H1-4: variants seen among roughly 807,000 people sequenced by gnomAD.
H1-4 encodes histone H1.4.
A neutral mutation model predicts 7.2 loss-of-function variants in H1-4; 9 were observed. That is an observed-to-expected ratio of 1.25 (90% CI 0.75 to 2.18). The LOEUF is 2.18. Ranked by LOEUF, H1-4 falls within the 30% of genes most tolerant of loss-of-function variation. The probability of loss-of-function intolerance (pLI) is 0.00; values close to 1 mark genes in which losing one functional copy is unlikely to be tolerated. For missense variants in H1-4, 646 were observed against 287.9 expected, an observed-to-expected ratio of 2.24 and a Z score of -9.00; for synonymous variants, 318 against 126.6, an observed-to-expected ratio of 2.51 and a Z score of -10.15.
In H1-4 at chr6:26,156,516, G is replaced by C. The variant is rs568154277; in HGVS notation, c.126G>C (p.Glu42Asp). 2 of 1,613,954 alleles carry C rather than the reference G, an allele frequency of 1.2e-6. No homozygotes were observed. The highest frequency in any genetic ancestry group is 1.7e-6 in the Non-Finnish European group (2 of 1,179,992). ...KRKASGPPVS[E>D]LITKAVAASK... ...AAGCGTCTGGGCCCCCGGTGTCCGAGCTCATTACTAAAGCTGTTGCCGCCT... is the reference window on the plus strand; with the variant it reads ...AAGCGTCTGGGCCCCCGGTGTCCGACCTCATTACTAAAGCTGTTGCCGCCT... Residue 42 changes from glutamate (E) to aspartate (D), a missense_variant, in exon 1 of 1, where the codon GAG (glutamate) becomes GAC (aspartate). Coordinates refer to ENST00000304218, the MANE Select transcript of H1-4 (RefSeq NM_005321.3).
Position 26,156,568 on chromosome 6 carries a change from G to A in H1-4, c.178G>A (p.Ala60Thr). Residue 60 changes from alanine to threonine, a missense_variant, in exon 1 of 1, where the codon GCC (alanine) becomes ACC (threonine). By Grantham distance (58) the Ala-to-Thr change is moderately conservative. Coordinates refer to ENST00000304218, the MANE Select transcript of H1-4 (RefSeq NM_005321.3). ...CAAGGAGCGCAGCGGCGTATCTTTG[G>A]CCGCTCTCAAGAAAGCGCTGGCAGC... ...ASKERSGVSL[A>T]ALKKALAAAG... is the part of the protein sequence containing the mutation. The A allele has an allele frequency of 2.5e-6, 4 of 1,614,178 alleles. No individual in the cohort carries two copies. The highest frequency in any genetic ancestry group is 2.5e-6 in the Non-Finnish European group (3 of 1,180,032).
rs766257287 is a variant in H1-4 at position 26,156,695 on chromosome 6, C to T, written c.305C>T (p.Ser102Leu). Residue 102 changes from serine (S) to leucine (L), a missense_variant, in exon 1 of 1, where the codon TCG becomes TTG. By Grantham distance (145) the Ser-to-Leu change is moderately radical. Coordinates refer to ENST00000304218, the MANE Select transcript of H1-4 (RefSeq NM_005321.3). The stretch of plus-strand genomic sequence containing the variant: ...GTGCAGACCAAGGGCACCGGCGCGT[C>T]GGGTTCCTTCAAACTCAACAAGAAG... ...TLVQTKGTGA[S>L]GSFKLNKKAA... The T allele has an allele frequency of 6.2e-6, 10 of 1,614,118 alleles. No individual in the cohort carries two copies. Among genetic ancestry groups the T allele is most frequent in the African/African-American group, 1.3e-5 (1 of 74,958 alleles).
Position 26,156,864 on chromosome 6 carries a change from G to T in H1-4, c.474G>T (p.Ala158=), listed in dbSNP as rs781387925. The T allele has an allele frequency of 6.2e-7, 1 of 1,607,572 alleles. No homozygotes were observed. Among genetic ancestry groups the T allele is most frequent in the African/African-American group, 1.3e-5 (1 of 74,522 alleles). Residue 158 remains alanine (A), a synonymous_variant, in exon 1 of 1, where the codon GCG becomes GCT. Transcript: ENST00000304218. The stretch of plus-strand genomic sequence containing the variant: ...GCGCCAAGAAGACCCCAAAGAAGGC[G>T]AAGAAGCCGGCTGCAGCTGCTGGAG... ...KKSAKKTPKK[A]KKPAAAAGAK... is the part of the protein sequence containing the mutation.
At position 26,156,359 on chromosome 6, in the gene H1-4, T is replaced by A. The variant is rs1450840515; in HGVS notation, c.-32T>A. 6.6e-7 allele frequency: 1 copy of A among 1,518,046 alleles called. No homozygotes were observed. Among genetic ancestry groups the A allele is most frequent in the Non-Finnish European group, 8.8e-7 (1 of 1,138,246 alleles). 94.0% of individuals were successfully genotyped at this position (1,518,046 alleles called of 1,614,324 possible). Reference sequence around the variant, plus strand: ...CCCGGCCAGTGCCTCTGCTTCCGGCTCGAATTGCTCTCGCTCACGCTTGCC... The same window carrying A: ...CCCGGCCAGTGCCTCTGCTTCCGGCACGAATTGCTCTCGCTCACGCTTGCC... On this transcript the variant is annotated 5_prime_UTR_variant, in exon 1 of 1. Coordinates refer to ENST00000304218, the MANE Select transcript of H1-4 (RefSeq NM_005321.3).
At position 26,157,078 on chromosome 6, in the gene H1-4, G is replaced by T. The variant is rs543212809; in HGVS notation, c.*28G>T. 6.4e-7 allele frequency: 1 copy of T among 1,569,284 alleles called. No homozygotes were observed. Among genetic ancestry groups the T allele is most frequent in the African/African-American group, 1.4e-5 (1 of 72,354 alleles). ...AGTTCCTTTGGCCAACTGCTTAGAA[G>T]CCCAACACAACCCAAAGGCTCTTTT... is the stretch of plus-strand genomic sequence containing the variant. On this transcript the variant is annotated 3_prime_UTR_variant, in exon 1 of 1. Transcript: ENST00000304218.
At position 26,156,371 on chromosome 6, in the gene H1-4, C is replaced by T. The variant is rs2298089; in HGVS notation, c.-20C>T. ...CTCTGCTTCCGGCTCGAATTGCTCTCGCTCACGCTTGCCTTCAACATGTCC... is the reference window on the plus strand; with the variant it reads ...CTCTGCTTCCGGCTCGAATTGCTCTTGCTCACGCTTGCCTTCAACATGTCC... On this transcript the variant is annotated 5_prime_UTR_variant, in exon 1 of 1. Coordinates refer to ENST00000304218, the MANE Select transcript of H1-4 (RefSeq NM_005321.3). 22 of 1,533,206 alleles carry T rather than the reference C, an allele frequency of 1.4e-5. No individual in the cohort carries two copies. The highest frequency in any genetic ancestry group is 2.5e-5 in the South Asian group (2 of 80,452). 95.0% of individuals were successfully genotyped at this position (1,533,206 alleles called of 1,614,324 possible).
Position 26,156,662 on chromosome 6 carries a change from G to T in H1-4, c.272G>T (p.Gly91Val), listed in dbSNP as rs570710069. 6.2e-7 allele frequency: 1 copy of T among 1,614,214 alleles called. No homozygotes were observed. Among genetic ancestry groups the T allele is most frequent in the African/African-American group, 1.3e-5 (1 of 75,060 alleles). Residue 91 changes from glycine (G) to valine (V), a missense_variant, in exon 1 of 1, where the codon GGC becomes GTC. Physicochemically the swap from Gly to Val is moderately radical, Grantham distance 109. Coordinates refer to ENST00000304218, the MANE Select transcript of H1-4 (RefSeq NM_005321.3). ...GGTCTCAAGAGCCTGGTGAGCAAGG[G>T]CACCCTGGTGCAGACCAAGGGCACC... Reference protein sequence around the residue: ...KLGLKSLVSKGTLVQTKGTGA... With the variant: ...KLGLKSLVSKVTLVQTKGTGA...
Position 26,156,333 on chromosome 6 carries a change from T to A in H1-4, c.-58T>A, listed in dbSNP as rs1764162184. ...GGCGGGCGCAGCGCCGCGGCTCGAG[T>A]CCCGGCCAGTGCCTCTGCTTCCGGC... On this transcript the variant is annotated 5_prime_UTR_variant, in exon 1 of 1. Transcript: ENST00000304218. The A allele has an allele frequency of 6.8e-7, 1 of 1,460,928 alleles. No homozygotes were observed. Among genetic ancestry groups the A allele is most frequent in the Admixed American group, 2.2e-5 (1 of 44,796 alleles). 90.5% of individuals were successfully genotyped at this position (1,460,928 alleles called of 1,614,324 possible).
At position 26,156,649 on chromosome 6, in the gene H1-4, C is replaced by G; in HGVS notation, c.259C>G (p.Leu87Val). ...NSRIKLGLKSLVSKGTLVQTK... is the reference protein window; with the variant it reads ...NSRIKLGLKSVVSKGTLVQTK... ...CCGCATCAAGCTGGGTCTCAAGAGC[C>G]TGGTGAGCAAGGGCACCCTGGTGCA... Residue 87 changes from leucine (L) to valine (V), a missense_variant, in exon 1 of 1, where the codon CTG becomes GTG. Coordinates refer to ENST00000304218, the MANE Select transcript of H1-4 (RefSeq NM_005321.3). The G allele has an allele frequency of 1.2e-6, 2 of 1,614,248 alleles. No individual in the cohort carries two copies. Among genetic ancestry groups the G allele is most frequent in the Non-Finnish European group, 1.7e-6 (2 of 1,180,048 alleles).
rs773126124 is a variant in H1-4 at position 26,156,759 on chromosome 6, A to G, written c.369A>G (p.Ala123=). ...SGEAKPKAKK[A]GAAKAKKPAG... is the part of the protein sequence containing the mutation. ...AAGCCAAGCCTAAGGCTAAAAAGGC[A>G]GGCGCGGCCAAGGCCAAGAAGCCAG... Residue 123 remains alanine, a synonymous_variant, in exon 1 of 1, where the codon GCA becomes GCG. Transcript: ENST00000304218. The G allele has an allele frequency of 2.7e-5, 44 of 1,613,694 alleles. No individual in the cohort carries two copies. The highest frequency in any genetic ancestry group is 3.5e-5 in the Non-Finnish European group (41 of 1,179,884).
Position 26,157,064 on chromosome 6 carries a change from C to G in H1-4, c.*14C>G. On this transcript the variant is annotated 3_prime_UTR_variant, in exon 1 of 1. Coordinates refer to ENST00000304218, the MANE Select transcript of H1-4 (RefSeq NM_005321.3). ...AAGAAAAAGTAGAAAGTTCCTTTGG[C>G]CAACTGCTTAGAAGCCCAACACAAC... 2.5e-6 allele frequency: 4 copies of G among 1,576,624 alleles called. No homozygotes were observed. Among genetic ancestry groups the G allele is most frequent in the Non-Finnish European group, 3.4e-6 (4 of 1,170,252 alleles).
Position 26,157,096 on chromosome 6 carries a change from G to A in H1-4, c.*46G>A, listed in dbSNP as rs1450959829. The A allele has an allele frequency of 1.3e-6, 2 of 1,552,036 alleles. No individual in the cohort carries two copies. Among genetic ancestry groups the A allele is most frequent in the Non-Finnish European group, 1.7e-6 (2 of 1,158,502 alleles). On this transcript the variant is annotated 3_prime_UTR_variant, in exon 1 of 1. Transcript: ENST00000304218. ...CTTAGAAGCCCAACACAACCCAAAG[G>A]CTCTTTTCAGAGCCACCCACCGCTC...
rs771976554 is a variant in H1-4, at chr6:26,156,942, G to A, written c.552G>A (p.Ala184=). ...CGAAAGCAGCCAAGCCAAAAAAGGC[G>A]CCCAAGAGCCCAGCGAAGGCCAAAG... ...KKAKAAKPKK[A]PKSPAKAKAV... is the part of the protein sequence containing the mutation. The change falls in exon 1 of 1, where the codon GCG becomes GCA. Residue 184 remains alanine (A), a synonymous_variant. Coordinates refer to ENST00000304218, the MANE Select transcript of H1-4 (RefSeq NM_005321.3). 11 of 1,612,266 alleles carry A rather than the reference G, an allele frequency of 6.8e-6. No homozygotes were observed. The highest frequency in any genetic ancestry group is 1.7e-5 in the Admixed American group (1 of 59,882).
At position 26,156,967 on chromosome 6, in the gene H1-4, G is replaced by C. The variant is rs144346210; in HGVS notation, c.577G>C (p.Ala193Pro). The change falls in exon 1 of 1, where the codon GCA becomes CCA. Residue 193 changes from alanine to proline, a missense_variant. Physicochemically the swap from Ala to Pro is conservative, Grantham distance 27. Transcript: ENST00000304218. Reference sequence around the variant, plus strand: ...GCCCAAGAGCCCAGCGAAGGCCAAAGCAGTTAAACCCAAGGCGGCTAAACC... The same window carrying C: ...GCCCAAGAGCCCAGCGAAGGCCAAACCAGTTAAACCCAAGGCGGCTAAACC... ...KAPKSPAKAKAVKPKAAKPKT... is the reference protein window; with the variant it reads ...KAPKSPAKAKPVKPKAAKPKT... 6.8e-6 allele frequency: 11 copies of C among 1,612,332 alleles called. No individual in the cohort carries two copies. The highest frequency in any genetic ancestry group is 5.3e-5 in the African/African-American group (4 of 74,792).
chr6:26,156,836 A>G lies in H1-4; in HGVS notation c.446A>G (p.Lys149Arg), dbSNP rs1413481813. ...GCGACGGGGGCGGCCACCCCCAAGA[A>G]GAGCGCCAAGAAGACCCCAAAGAAG... ...KKATGAATPK[K>R]SAKKTPKKAK... The change falls in exon 1 of 1, where the codon AAG becomes AGG. Residue 149 changes from lysine to arginine, a missense_variant. Coordinates refer to ENST00000304218, the MANE Select transcript of H1-4 (RefSeq NM_005321.3). The G allele has an allele frequency of 6.2e-7, 1 of 1,606,352 alleles. No individual in the cohort carries two copies. The highest frequency in any genetic ancestry group is 8.5e-7 in the Non-Finnish European group (1 of 1,176,912).
In H1-4 at chr6:26,156,749, C is replaced by A; in HGVS notation, c.359C>A (p.Ala120Asp). ...GCCTCTGGGGAAGCCAAGCCTAAGG[C>A]TAAAAAGGCAGGCGCGGCCAAGGCC... Reference protein sequence around the residue: ...KAASGEAKPKAKKAGAAKAKK... With the variant: ...KAASGEAKPKDKKAGAAKAKK... Residue 120 changes from alanine to aspartate, a missense_variant, in exon 1 of 1, where the codon GCT (alanine) becomes GAT (aspartate). Ala to Asp is a moderately radical substitution (Grantham distance 126). Transcript: ENST00000304218. The A allele has an allele frequency of 6.2e-7, 1 of 1,613,906 alleles. No individual in the cohort carries two copies. The highest frequency in any genetic ancestry group is 8.5e-7 in the Non-Finnish European group (1 of 1,179,938).
Position 26,156,416 on chromosome 6 carries a change from C to G in H1-4, c.26C>G (p.Pro9Arg), listed in dbSNP as rs759410762. MSETAPAA[P>R]AAPAPAEKTP... ...ATGTCCGAGACTGCGCCTGCCGCGC[C>G]CGCTGCTCCGGCCCCTGCCGAGAAG... is the stretch of plus-strand genomic sequence containing the variant. Residue 9 changes from proline to arginine, a missense_variant, in exon 1 of 1, where the codon CCC becomes CGC. Pro to Arg is a moderately radical substitution (Grantham distance 103). Coordinates refer to ENST00000304218, the MANE Select transcript of H1-4 (RefSeq NM_005321.3). The G allele has an allele frequency of 6.3e-7, 1 of 1,591,174 alleles. No homozygotes were observed. The highest frequency in any genetic ancestry group is 8.6e-7 in the Non-Finnish European group (1 of 1,168,334).
In H1-4 at chr6:26,156,890, C is replaced by T. The variant is rs553325174; in HGVS notation, c.500C>T (p.Ala167Val). The change falls in exon 1 of 1, where the codon GCC becomes GTC. Residue 167 changes from alanine (A) to valine (V), a missense_variant. Ala to Val is a moderately conservative substitution (Grantham distance 64). Coordinates refer to ENST00000304218, the MANE Select transcript of H1-4 (RefSeq NM_005321.3). ...KAKKPAAAAG[A>V]KKAKSPKKAK... is the part of the protein sequence containing the mutation. ...AAGAAGCCGGCTGCAGCTGCTGGAG[C>T]CAAAAAAGCGAAAAGCCCGAAAAAG... 25 of 1,609,306 alleles carry T rather than the reference C, an allele frequency of 1.6e-5. No homozygotes were observed. The South Asian group carries it at 2.1e-4, about 13-fold the overall frequency.
At position 26,156,431 on chromosome 6, in the gene H1-4, C is replaced by A; in HGVS notation, c.41C>A (p.Pro14His). 1.2e-6 allele frequency: 2 copies of A among 1,605,972 alleles called. No homozygotes were observed. The highest frequency in any genetic ancestry group is 1.7e-6 in the Non-Finnish European group (2 of 1,176,208). The change falls in exon 1 of 1, where the codon CCT (proline) becomes CAT (histidine). Residue 14 changes from proline to histidine, a missense_variant. Physicochemically the swap from Pro to His is moderately conservative, Grantham distance 77 (BLOSUM62 -2). Coordinates refer to ENST00000304218, the MANE Select transcript of H1-4 (RefSeq NM_005321.3). ...CCTGCCGCGCCCGCTGCTCCGGCCC[C>A]TGCCGAGAAGACTCCCGTGAAGAAG... The part of the protein sequence containing the change: ...TAPAAPAAPA[P>H]AEKTPVKKKA...
Sources: allele counts gnomAD v4.1 joint callset, GRCh38; gene constraint gnomAD v4.1.1; transcripts MANE v1.5; gene names NCBI Gene and HGNC (gene_info 2026-07-23, HGNC 2026-07-21).